Variants in ADAMTS6 observed in about 807,000 individuals in gnomAD.
ADAMTS6 encodes ADAM metallopeptidase with thrombospondin type 1 motif 6.
A neutral mutation model predicts 144.3 loss-of-function variants in ADAMTS6; 23 were observed. The ratio of observed to expected loss-of-function variants is 0.16; its 90% CI spans 0.11 to 0.23. The LOEUF is 0.23. Ranked by LOEUF, ADAMTS6 falls within the 10% of genes least tolerant of loss-of-function variation. The pLI, the probability that ADAMTS6 is intolerant of heterozygous loss-of-function variation, is 1.00. For synonymous variants in ADAMTS6, 444 were observed against 457.5 expected (o/e 0.97, Z 0.38); for missense variants, 999 against 1,379.6 (o/e 0.72, Z 4.37).
intron 9 of ADAMTS6, among the ~76,000 whole-genome samples, chr5:65,326,769 G>T (rs1018419168): frequency 6.6e-6 from 1 of 152,144 alleles, no homozygotes; most frequent in African/African-American, 2.4e-5. Flanking sequence ...GGTTCAGGAA[G>T]AATAGAGATC....
intron 20 of ADAMTS6, among the ~76,000 whole-genome samples, chr5:65,212,912 C>T (rs925973978): frequency 9.9e-5 from 15 of 152,154 alleles, no homozygotes; most frequent in African/African-American, 3.4e-4. Flanking sequence ...CACCTTGCCT[C>T]AGGGCCTGAA....
chr5:65,320,424 A>G (rs1745495785), intron 9 of ADAMTS6, among the ~76,000 whole-genome samples: 1 of 152,192 alleles, frequency 6.6e-6, no homozygotes, highest in African/African-American at 2.4e-5. Context: ...ATTTTTAATT[A>G]AAAATCTTCC....
intron 9 of ADAMTS6, among the ~76,000 whole-genome samples, chr5:65,310,811 A>G (rs972086425): frequency 5.9e-5 from 9 of 152,204 alleles, no homozygotes; most frequent in African/African-American, 1.9e-4. Flanking sequence ...GTATTATCAA[A>G]AAGTTCTATA....
At chr5:65,254,001 T>C (rs984399897) in intron 14 of ADAMTS6, among the ~76,000 whole-genome samples, 1 of 151,270 alleles carries the variant, frequency 6.6e-6, no homozygotes, top group Non-Finnish European at 1.5e-5. Flanking sequence ...CGCACCACCA[T>C]GCCCAGCTAA....
At chr5:65,383,386 G>T (rs1271862137) in intron 7 of ADAMTS6, among the ~76,000 whole-genome samples, 2 of 152,080 alleles carry the variant, frequency 1.3e-5, no homozygotes, top group African/African-American at 4.8e-5. Flanking sequence ...TACAATGGTG[G>T]GTCAGGCATA....
Position 65,214,934 on chromosome 5 carries a change from T to G in ADAMTS6, c.2437-2A>C. ...CAAATTCTGTTCTTGAAGCAGAACCTGCCATTGAAAACAACTGGTGAAGAC... is the reference window on the plus strand; with the variant it reads ...CAAATTCTGTTCTTGAAGCAGAACCGGCCATTGAAAACAACTGGTGAAGAC... On this transcript the variant is annotated splice_acceptor_variant, in intron 19 of 24. Transcript: ENST00000381055. LOFTEE classifies it high-confidence loss of function. This position sits in a 1 kb window ranked among gnomAD's most constrained non-coding sequence, Gnocchi z 4.6. 1 of 1,612,704 alleles carries G rather than the reference T, an allele frequency of 6.2e-7. No individual in the cohort carries two copies. Among genetic ancestry groups the G allele is most frequent in the Non-Finnish European group, 8.5e-7 (1 of 1,179,194 alleles).
chr5:65,405,392 C>T (rs1427693049), intron 7 of ADAMTS6, among the ~76,000 whole-genome samples: 7 of 152,160 alleles, frequency 4.6e-5, no homozygotes, highest in East Asian at 1.9e-4. Context: ...GCACCATTTA[C>T]TAAATAGGGA....
rs139107330 is a variant in ADAMTS6, at chr5:65,218,428, A to G, written c.2273-2941T>C. ...AAACATTCACAGTGTACAACATCCA[A>G]TGAGAAATTACTACCAATGTGGAAA... On this transcript the variant is annotated intron_variant, in intron 18 of 24. Coordinates refer to ENST00000381055, the MANE Select transcript of ADAMTS6 (RefSeq NM_197941.4). Among the ~76,000 whole-genome samples the G allele has an allele frequency of 3.2e-4, 49 of 152,350 alleles. No individual in the cohort carries two copies. The East Asian group carries it at 9.3e-3, about 29-fold the overall frequency.
At chr5:65,420,233 T>C (rs1755910396) in intron 7 of ADAMTS6, among the ~76,000 whole-genome samples, 2 of 152,180 alleles carry the variant, frequency 1.3e-5, no homozygotes, top group South Asian at 4.1e-4. Flanking sequence ...TTCAATTACC[T>C]CCACCTGGTC....
intron 1 of ADAMTS6, among the ~76,000 whole-genome samples, chr5:65,478,651 T>G (rs1761005960): frequency 1.3e-5 from 2 of 150,668 alleles, no homozygotes; most frequent in African/African-American, 5.0e-5. Context: ...CCTCTTTCCC[T>G]CAAAAATGTG....
intron 7 of ADAMTS6, among the ~76,000 whole-genome samples, chr5:65,335,906 A>G (rs528058443): frequency 1.3e-5 from 2 of 152,192 alleles, no homozygotes; most frequent in East Asian, 3.9e-4. Flanking sequence ...CATATAGGAC[A>G]TACATCTGAA....
intron 14 of ADAMTS6, among the ~76,000 whole-genome samples, chr5:65,247,945 C>T (rs1397774502): frequency 2.0e-5 from 3 of 151,800 alleles, no homozygotes; most frequent in African/African-American, 7.3e-5. Context: ...AGATTGCCCC[C>T]TGTTTGTTGA....
chr5:65,313,676 G>A (rs901236972), intron 9 of ADAMTS6, among the ~76,000 whole-genome samples: 1 of 151,928 alleles, frequency 6.6e-6, no homozygotes, highest in South Asian at 2.1e-4. Context: ...TACAAGTTTG[G>A]ATAAAAAACT....
At chr5:65,396,196 T>C (rs1753318926) in intron 7 of ADAMTS6, among the ~76,000 whole-genome samples, 1 of 152,252 alleles carries the variant, frequency 6.6e-6, no homozygotes, top group Non-Finnish European at 1.5e-5. Flanking sequence ...AAATACATTT[T>C]GTACAACCTT....
At chr5:65,170,037 TAAAAACAAAAAC>T (rs895581244) in intron 24 of ADAMTS6, among the ~76,000 whole-genome samples, 8 of 151,972 alleles carry the variant, frequency 5.3e-5, no homozygotes, top group Admixed American at 2.0e-4. Flanking sequence ...AAAGTATAAT[TAAAAACAAAAAC>T]AAAAACAAAA....
chr5:65,414,164 A>G (rs898493516), intron 7 of ADAMTS6, among the ~76,000 whole-genome samples: 6 of 152,192 alleles, frequency 3.9e-5, no homozygotes, highest in Non-Finnish European at 8.8e-5. Flanking sequence ...CCAGTTTACT[A>G]CTACTCTTAG....
intron 7 of ADAMTS6, among the ~76,000 whole-genome samples, chr5:65,434,631 CTTA>C: frequency 6.6e-6 from 1 of 152,160 alleles, no homozygotes; most frequent in Non-Finnish European, 1.5e-5. Flanking sequence ...TAAGTCTTCC[CTTA>C]TTGTTTACTA....
chr5:65,375,931 G>A (rs186263710), intron 7 of ADAMTS6, among the ~76,000 whole-genome samples: 2,612 of 152,240 alleles, frequency 0.017, 39 homozygotes, highest in East Asian at 0.082. Flanking sequence ...CTATGCAGCC[G>A]TAAAAAATGA....
intron 7 of ADAMTS6, among the ~76,000 whole-genome samples, chr5:65,355,140 T>A (rs1185084208): frequency 2.0e-5 from 3 of 151,862 alleles, no homozygotes; most frequent in Non-Finnish European, 3.0e-5. Context: ...AAATCTAGTA[T>A]ATCTTCTAAT....
Sources: gnomAD v4.1 joint callset for allele counts (sites outside exome capture counted in the v4.1 genomes callset) on GRCh38, gnomAD v4.1.1 for gene constraint, Gnocchi (gnomAD v3.1) non-coding constraint, MANE v1.5 for transcripts, NCBI Gene and HGNC (gene_info 2026-07-23, HGNC 2026-07-21) for gene names.